CA10: variants seen among roughly 807,000 people sequenced by gnomAD.
CA10 encodes carbonic anhydrase-related protein 10.
In CA10, 14 loss-of-function variants were observed where a neutral mutation model predicts 44.2. The ratio of observed to expected loss-of-function variants is 0.32; its 90% CI spans 0.21 to 0.50. The LOEUF (loss-of-function observed/expected upper bound fraction) is 0.50, where lower values mean the gene tolerates loss of function less well. CA10 is among the 20% of genes least tolerant of loss of function. CA10 has a pLI of 0.99. For synonymous variants in CA10, 159 were observed against 141.6 expected (o/e 1.12, Z -0.87); for missense variants, 350 against 409.7 (o/e 0.85, Z 1.26).
intron 3 of CA10, among the ~76,000 whole-genome samples, chr17:51,845,917 T>A (rs761462842): frequency 6.6e-6 from 1 of 152,226 alleles, no homozygotes; most frequent in Non-Finnish European, 1.5e-5. Context: ...CTCATGGACA[T>A]GAATGCTAAC....
intron 3 of CA10, among the ~76,000 whole-genome samples, chr17:51,901,997 G>A (rs1240951811): frequency 6.6e-6 from 1 of 152,126 alleles, no homozygotes; most frequent in East Asian, 1.9e-4. Context: ...AAGAAATACA[G>A]TATAGTACTA....
chr17:51,985,870 G>A (rs933699063), intron 2 of CA10, among the ~76,000 whole-genome samples: 2 of 151,920 alleles, frequency 1.3e-5, no homozygotes, highest in African/African-American at 4.8e-5. Flanking sequence ...CTAAACAAAT[G>A]AAAACATATC....
At chr17:52,070,796 C>T (rs1399415687) in intron 2 of CA10, among the ~76,000 whole-genome samples, 2 of 152,136 alleles carry the variant, frequency 1.3e-5, no homozygotes, top group Admixed American at 6.6e-5. Flanking sequence ...AAAAAAACAT[C>T]GAAAAATGTG....
chr17:51,855,527 A>G (rs966221146), intron 3 of CA10, among the ~76,000 whole-genome samples: 2 of 152,210 alleles, frequency 1.3e-5, no homozygotes, highest in Non-Finnish European at 2.9e-5. Context: ...CCCTAACTCC[A>G]GCAAGAAAGG....
At chr17:52,152,764 A>G (rs1463359775) in intron 1 of CA10, among the ~76,000 whole-genome samples, 1 of 152,180 alleles carries the variant, frequency 6.6e-6, no homozygotes, top group Non-Finnish European at 1.5e-5. Context: ...CAGATGCTTT[A>G]CACTTGCATA....
At chr17:51,717,666 CATGT>C (rs1567815238) in intron 4 of CA10, among the ~76,000 whole-genome samples, 848 of 70,294 alleles carry the variant, frequency 0.012, 163 homozygotes, top group Middle Eastern at 0.025. Context: ...CGTATATATA[CATGT>C]ATATATGTAT....
chr17:51,639,796 G>A (rs1263038416), intron 6 of CA10, among the ~76,000 whole-genome samples: 1 of 152,204 alleles, frequency 6.6e-6, no homozygotes, highest in African/African-American at 2.4e-5. Context: ...TGCTGACTTT[G>A]CTGCTCACTC....
chr17:51,895,733 A>C (rs1981041417), intron 3 of CA10, among the ~76,000 whole-genome samples: 1 of 152,086 alleles, frequency 6.6e-6, no homozygotes, highest in South Asian at 2.1e-4. Context: ...GGGAAGTTAT[A>C]AAATACCAAT....
At chr17:52,003,210 T>C (rs1985487836) in intron 2 of CA10, among the ~76,000 whole-genome samples, 1 of 151,890 alleles carries the variant, frequency 6.6e-6, no homozygotes, top group Middle Eastern at 3.2e-3. Flanking sequence ...ACCTGACCTG[T>C]TATTTACATT....
chr17:52,046,308 T>TAAA (rs35690751), intron 2 of CA10, among the ~76,000 whole-genome samples: 9 of 145,562 alleles, frequency 6.2e-5, no homozygotes, highest in African/African-American at 2.3e-4. Context: ...AAGCTTCTAG[T>TAAA]AAAAAAAAAA....
At chr17:52,114,833 T>TGTGTTTCTCTGGAAAGAGCTATTA (rs1196191895) in intron 1 of CA10, among the ~76,000 whole-genome samples, 1 of 152,212 alleles carries the variant, frequency 6.6e-6, no homozygotes, top group Non-Finnish European at 1.5e-5. Context: ...CCAGACTACC[T>TGTGTTTCTCTGGAAAGAGCTATTA]GTGTTTCTCT....
chr17:51,692,039 C>T (rs1410357774), intron 4 of CA10, among the ~76,000 whole-genome samples: 1 of 152,094 alleles, frequency 6.6e-6, no homozygotes, highest in African/African-American at 2.4e-5. Flanking sequence ...TGAACAATGT[C>T]ATTGGTATTT....
intron 4 of CA10, among the ~76,000 whole-genome samples, chr17:51,680,791 T>C (rs1914819530): frequency 1.3e-5 from 2 of 152,044 alleles, no homozygotes; most frequent in Non-Finnish European, 1.5e-5. Context: ...AGAATGACCA[T>C]AGGTTGAGAA....
At chr17:51,769,133 G>A (rs1003625324) in intron 3 of CA10, among the ~76,000 whole-genome samples, 1 of 152,146 alleles carries the variant, frequency 6.6e-6, no homozygotes, top group African/African-American at 2.4e-5. Flanking sequence ...GCATTCGGAT[G>A]ACTAATATTT....
At chr17:51,930,747 T>C (rs1982622999) in intron 3 of CA10, among the ~76,000 whole-genome samples, 1 of 152,090 alleles carries the variant, frequency 6.6e-6, no homozygotes, top group Non-Finnish European at 1.5e-5. Flanking sequence ...ACCAAGGTTG[T>C]CTGATAAGAC....
At chr17:51,948,779 T>C (rs1983376603) in intron 2 of CA10, among the ~76,000 whole-genome samples, 1 of 152,154 alleles carries the variant, frequency 6.6e-6, no homozygotes, top group South Asian at 2.1e-4. Flanking sequence ...TTCTATTTTC[T>C]TCACTGGGCC....
At chr17:51,631,903 C>T (rs1201536243) in intron 8 of CA10, among the ~76,000 whole-genome samples, 1 of 152,092 alleles carries the variant, frequency 6.6e-6, no homozygotes, top group African/African-American at 2.4e-5. Flanking sequence ...GTTCAATAGC[C>T]ACATATGGCT....
chr17:51,834,163 A>G (rs1908388612), intron 3 of CA10, among the ~76,000 whole-genome samples: 1 of 152,232 alleles, frequency 6.6e-6, no homozygotes, highest in Non-Finnish European at 1.5e-5. Context: ...ATAGAAATCT[A>G]TAGAGCACAA....
At chr17:52,038,607 A>G (rs1986682877) in intron 2 of CA10, among the ~76,000 whole-genome samples, 1 of 152,182 alleles carries the variant, frequency 6.6e-6, no homozygotes, top group African/African-American at 2.4e-5. Flanking sequence ...TGTATAAAAA[A>G]TGGATTTATA....
Sources: gnomAD v4.1 joint callset for allele counts (sites outside exome capture counted in the v4.1 genomes callset) on GRCh38, gnomAD v4.1.1 for gene constraint, MANE v1.5 for transcripts, NCBI Gene and HGNC (gene_info 2026-07-23, HGNC 2026-07-21) for gene names.